Variants in SOX6 observed in about 807,000 individuals in gnomAD.
The protein encoded by SOX6 is SRY-box transcription factor 6.
In SOX6, 11 loss-of-function variants were observed where a neutral mutation model predicts 97.8. That is an observed-to-expected ratio of 0.11 (90% confidence interval 0.07 to 0.19). The LOEUF (loss-of-function observed/expected upper bound fraction) is 0.19, where lower values mean the gene tolerates loss of function less well. Ranked by LOEUF, SOX6 falls within the 10% of genes least tolerant of loss-of-function variation. The pLI is 1.00. For synonymous variants in SOX6, 360 were observed against 371.4 expected, an observed-to-expected ratio of 0.97 and a Z score of 0.35; for missense variants, 810 against 1,039.5, an observed-to-expected ratio of 0.78 and a Z score of 3.04.
chr11:16,736,225 TC>T (rs1227843777), intron 2 of SOX6: 2 of 152,236 alleles, frequency 1.3e-5, no homozygotes, highest in African/African-American at 2.4e-5. Context: ...AGGAGGTATT[TC>T]ATTGTTTCAC....
At chr11:16,292,208 A>C (rs187515339) in intron 3 of SOX6, among the ~76,000 whole-genome samples, 1 of 152,286 alleles carries the variant, frequency 6.6e-6, no homozygotes. Context: ...AAGAACTGAA[A>C]GTATATTTTC....
intron 3 of SOX6, among the ~76,000 whole-genome samples, chr11:16,652,061 G>A (rs1030626270): frequency 6.6e-6 from 1 of 152,120 alleles, no homozygotes; most frequent in African/African-American, 2.4e-5. Flanking sequence ...AACCAAGGAG[G>A]TGAAAGATCT....
chr11:15,995,825 C>T (rs556488744), intron 13 of SOX6, among the ~76,000 whole-genome samples: 1 of 152,252 alleles, frequency 6.6e-6, no homozygotes, highest in East Asian at 1.9e-4. Context: ...TATGCAACAT[C>T]TTTATAATGC....
rs773781348 is a variant in SOX6 at position 16,689,929 on chromosome 11, C to CT, written n.429+24900dup. ...ATCAATTTTTGTAAATGTCCCATGG[C>CT]TTTTTTTTTTTTTTTGAAAGAGTCT... is the stretch of plus-strand genomic sequence containing the variant. On this transcript the variant is annotated intron_variant and non_coding_transcript_variant, in intron 3 of 5. Coordinates refer to the SOX6 transcript ENST00000524520. 4.8e-3 allele frequency among the ~76,000 whole-genome samples: 656 copies of CT among 136,016 alleles called. 2 individuals carry two copies. Among genetic ancestry groups the CT allele is most frequent in the Non-Finnish European group, 7.0e-3 (439 of 62,548 alleles). 89.2% of individuals were successfully genotyped at this position (136,016 alleles called of 152,430 possible).
intron 4 of SOX6, among the ~76,000 whole-genome samples, chr11:16,510,027 T>A (rs1860852440): frequency 6.6e-6 from 1 of 152,070 alleles, no homozygotes; most frequent in African/African-American, 2.4e-5. Flanking sequence ...TTAAGATAAT[T>A]CAATATCTAC....
chr11:15,974,811 T>C (rs1853424273), intron 15 of SOX6, among the ~76,000 whole-genome samples: 1 of 152,150 alleles, frequency 6.6e-6, no homozygotes, highest in Admixed American at 6.5e-5. Flanking sequence ...GCACATCATA[T>C]CCCTAACATA....
At chr11:16,307,024 A>T (rs1855462466) in intron 3 of SOX6, among the ~76,000 whole-genome samples, 1 of 152,164 alleles carries the variant, frequency 6.6e-6, no homozygotes, top group Non-Finnish European at 1.5e-5. Context: ...TAATATAACT[A>T]AGGAATGTCC....
chr11:16,419,277 C>G (rs947728596), intron 1 of SOX6, among the ~76,000 whole-genome samples: 1 of 152,106 alleles, frequency 6.6e-6, no homozygotes, highest in Non-Finnish European at 1.5e-5. Context: ...TTTGTAGCTT[C>G]TTTGCCCTAA....
chr11:16,163,187 T>C (rs1317961235), intron 6 of SOX6, among the ~76,000 whole-genome samples: 1 of 152,242 alleles, frequency 6.6e-6, no homozygotes, highest in East Asian at 1.9e-4. Flanking sequence ...GTAAGACAAG[T>C]CTCATTTAAT....
rs1331683567 is a variant in SOX6 at position 15,971,015 on chromosome 11, C to T, written c.*1794G>A. On this transcript the variant is annotated 3_prime_UTR_variant, in exon 16 of 16. Coordinates refer to ENST00000683767, the MANE Select transcript of SOX6 (RefSeq NM_001367873.1). ...GGAATAAAACCTCACTGCTTCCCAC[C>T]CCAGTAGCATGTCTTCAAAGAAATC... is the stretch of plus-strand genomic sequence containing the variant. 2 of 152,382 alleles carry T rather than the reference C, an allele frequency of 1.3e-5. No individual in the cohort carries two copies. Among genetic ancestry groups the T allele is most frequent in the African/African-American group, 4.8e-5 (2 of 41,432 alleles). 9.4% of individuals were successfully genotyped at this position (152,382 alleles called of 1,614,324 possible).
rs114613851 is a variant in SOX6 at position 16,511,012 on chromosome 11, G to A, written n.610-34624C>T. Among the ~76,000 whole-genome samples the A allele has an allele frequency of 8.7e-3, 1,321 of 151,984 alleles. 22 individuals carry two copies. The highest frequency in any genetic ancestry group is 0.029 in the African/African-American group (1,205 of 41,462). On this transcript the variant is annotated intron_variant and non_coding_transcript_variant, in intron 4 of 5. Transcript: ENST00000524520. ...AATCAGCTTGCAATTTGAAATTATC[G>A]TTGGGGAAAAGGGAAGGATACTAAG...
chr11:16,455,752 T>C lies in SOX6; in HGVS notation c.-5+20563A>G, dbSNP rs78702759. ...TGGCATTTTAATACAAGAAGATACATTTATTTCCCCCATGAAAGTAATTTT... is the reference window on the plus strand; with the variant it reads ...TGGCATTTTAATACAAGAAGATACACTTATTTCCCCCATGAAAGTAATTTT... On this transcript the variant is annotated intron_variant, in intron 1 of 15. Coordinates refer to the SOX6 transcript ENST00000396356. Among the ~76,000 whole-genome samples the C allele has an allele frequency of 7.3e-3, 1,112 of 152,138 alleles. 16 individuals carry two copies. Among genetic ancestry groups the C allele is most frequent in the African/African-American group, 0.024 (996 of 41,526 alleles).
chr11:16,637,385 T>C (rs1848806768), intron 3 of SOX6, among the ~76,000 whole-genome samples: 1 of 152,142 alleles, frequency 6.6e-6, no homozygotes, highest in South Asian at 2.1e-4. Flanking sequence ...CATGCCCAGC[T>C]AATTTTTGTA....
intron 4 of SOX6, among the ~76,000 whole-genome samples, chr11:16,564,304 G>A (rs1847844656): frequency 6.6e-6 from 1 of 152,114 alleles, no homozygotes; most frequent in Admixed American, 6.6e-5. Flanking sequence ...GAGAAAACAG[G>A]TAAGACAATT....
intron 4 of SOX6, among the ~76,000 whole-genome samples, chr11:16,558,910 G>T (rs1489665344): frequency 6.6e-6 from 1 of 151,984 alleles, no homozygotes; most frequent in Non-Finnish European, 1.5e-5. Context: ...TGTAAAAAGT[G>T]ATTTTTTAGC....
chr11:16,069,953 G>A (rs374496562), intron 9 of SOX6, among the ~76,000 whole-genome samples: 10 of 152,004 alleles, frequency 6.6e-5, no homozygotes, highest in African/African-American at 1.2e-4. Flanking sequence ...TCAGGAGATC[G>A]CGACCATCCT....
intron 4 of SOX6, among the ~76,000 whole-genome samples, chr11:16,555,592 C>A (rs538632822): frequency 6.6e-6 from 1 of 151,508 alleles, no homozygotes; most frequent in Admixed American, 6.6e-5. Context: ...CTTGCTATTT[C>A]GAAATATACA....
intron 13 of SOX6, among the ~76,000 whole-genome samples, chr11:16,004,184 G>C (rs1349949849): frequency 2.6e-5 from 4 of 151,886 alleles, no homozygotes; most frequent in African/African-American, 9.7e-5. Flanking sequence ...GGATGTTAAA[G>C]ATTACCTAAT....
chr11:16,700,235 AAAG>A (rs772720223), intron 3 of SOX6, among the ~76,000 whole-genome samples: 10 of 152,292 alleles, frequency 6.6e-5, no homozygotes, highest in African/African-American at 2.2e-4. Context: ...ATGGGAGGAA[AAAG>A]AAGAAGTATC....
Sources: allele counts gnomAD v4.1 joint callset (sites outside exome capture counted in the v4.1 genomes callset), GRCh38; gene constraint gnomAD v4.1.1; transcripts MANE v1.5; gene names NCBI Gene and HGNC (gene_info 2026-07-23, HGNC 2026-07-21).